Variants in RRN3 observed in about 807,000 individuals in gnomAD.
The protein encoded by RRN3 is RNA polymerase I transcription factor RRN3.
In RRN3, 38 loss-of-function variants were observed where a neutral mutation model predicts 82.3. The observed-to-expected ratio is 0.46, with a 90% CI of 0.36 to 0.61. The LOEUF is 0.61. RRN3 is among the 20% of genes least tolerant of loss of function. The pLI, the probability that RRN3 is intolerant of heterozygous loss-of-function variation, is 0.00. For missense variants in RRN3, 726 were observed against 793.1 expected (o/e 0.92, Z 1.02); for synonymous variants, 284 against 284.3 (o/e 1.00, Z 0.01).
chr16:15,077,825 G>A (rs1179020451), intron 9 of RRN3, among the ~76,000 whole-genome samples: 1 of 152,186 alleles, frequency 6.6e-6, no homozygotes, highest in African/African-American at 2.4e-5. Flanking sequence ...TGGGCAAGAA[G>A]CGAGACACCA....
intron 9 of RRN3, among the ~76,000 whole-genome samples, chr16:15,078,812 CTTT>C (rs5816111): frequency 1.6e-4 from 19 of 117,652 alleles, no homozygotes; most frequent in Admixed American, 1.8e-4. Flanking sequence ...GTATTTTTTT[CTTT>C]TTTTTTTTTT....
intron 9 of RRN3, among the ~76,000 whole-genome samples, chr16:15,078,783 T>C (rs1278615516): frequency 6.6e-6 from 1 of 151,018 alleles, no homozygotes; most frequent in East Asian, 1.9e-4. Flanking sequence ...GGAACTACTC[T>C]TCCAACTGCC....
At chr16:15,079,488 T>C (rs2045605756) in intron 9 of RRN3, among the ~76,000 whole-genome samples, 1 of 152,232 alleles carries the variant, frequency 6.6e-6, no homozygotes, top group South Asian at 2.1e-4. Context: ...TGGATAACTA[T>C]GTATTTAACG....
intron 12 of RRN3, among the ~76,000 whole-genome samples, chr16:15,072,662 G>A (rs900225591): frequency 1.8e-4 from 28 of 152,230 alleles, no homozygotes; most frequent in East Asian, 1.5e-3. Flanking sequence ...AATTAGCCAG[G>A]CATGGTAACC....
chr16:15,075,734 T>A (rs558658379), intron 10 of RRN3, among the ~76,000 whole-genome samples: 1 of 152,096 alleles, frequency 6.6e-6, no homozygotes, highest in Non-Finnish European at 1.5e-5. Flanking sequence ...ATGAGACCTA[T>A]CCATGCAAAA....
At chr16:15,067,317 C>T (rs961111826) in intron 15 of RRN3, among the ~76,000 whole-genome samples, 1 of 145,556 alleles carries the variant, frequency 6.9e-6, no homozygotes, top group African/African-American at 2.5e-5. Flanking sequence ...TGAAAGCTTA[C>T]AAAGGAGCCA....
rs2044689818 is a variant in RRN3, at chr16:15,060,993, T to G, written c.*751A>C. ...AGCCCGAACTCACTTTCAGTCTGTG[T>G]GAATTACATCTACCTGGACCTCCAT... On this transcript the variant is annotated 3_prime_UTR_variant, in exon 18 of 18. Transcript: ENST00000198767. The G allele has an allele frequency of 6.6e-6, 1 of 152,272 alleles. No individual in the cohort carries two copies. The highest frequency in any genetic ancestry group is 2.4e-5 in the African/African-American group (1 of 41,466). The allele number at this position is 152,272 out of a possible 1,614,324, so 9.4% of individuals were successfully genotyped here. A position where few individuals can be genotyped will look rare whatever the true frequency, so the allele number is the denominator to read the frequency against.
chr16:15,063,812 T>TG (rs1470468104), intron 16 of RRN3, among the ~76,000 whole-genome samples: 6 of 152,292 alleles, frequency 3.9e-5, no homozygotes, highest in Admixed American at 3.3e-4. Context: ...CTCATGTCGA[T>TG]GGAGTATTGA....
At chr16:15,080,466 GCT>G (rs905429434) in intron 8 of RRN3, among the ~76,000 whole-genome samples, 1 of 151,940 alleles carries the variant, frequency 6.6e-6, no homozygotes, top group East Asian at 1.9e-4. Flanking sequence ...ACAGGGTCTT[GCT>G]CTCTCTCTCA....
intron 7 of RRN3, 138 bp from the exon 8 acceptor site, chr16:15,083,720 T>A: frequency 7.9e-7 from 1 of 1,270,032 alleles, no homozygotes; most frequent in Admixed American, 2.8e-5. Flanking sequence ...GAACTGGAAC[T>A]TTTTTTGTTT....
At chr16:15,087,066 G>A (rs1198927930) in intron 3 of RRN3, among the ~76,000 whole-genome samples, 5 of 152,054 alleles carry the variant, frequency 3.3e-5, no homozygotes, top group Non-Finnish European at 7.4e-5. Context: ...AATTTGAAAC[G>A]CAATGTATAA....
intron 9 of RRN3, among the ~76,000 whole-genome samples, chr16:15,078,894 C>T (rs527760862): frequency 6.6e-6 from 1 of 150,688 alleles, no homozygotes; most frequent in South Asian, 2.1e-4. Context: ...TCACTGCAAG[C>T]TCCACCTCCC....
rs140196420 is a variant in RRN3, at chr16:15,085,014, C to T, written c.533-309G>A. 2.0e-3 allele frequency among the ~76,000 whole-genome samples: 300 copies of T among 151,802 alleles called. 2 individuals carry two copies. Among genetic ancestry groups the T allele is most frequent in the Middle Eastern group, 0.01 (3 of 294 alleles). ...CTGGGAGGTGAAGGCTGCAGCGAAC[C>T]GAGATCACACCACTATACTCCAGCC... On this transcript the variant is annotated intron_variant, in intron 6 of 17. Coordinates refer to ENST00000198767, the MANE Select transcript of RRN3 (RefSeq NM_018427.5).
chr16:15,073,251 G>A (rs566827193), intron 11 of RRN3, among the ~76,000 whole-genome samples, 171 bp from the exon 12 acceptor site: 54 of 152,276 alleles, frequency 3.5e-4, no homozygotes, highest in Middle Eastern at 3.4e-3. Flanking sequence ...GGGAGCCCGG[G>A]AGTTCAAGGG....
intron 15 of RRN3, among the ~76,000 whole-genome samples, chr16:15,066,990 G>A (rs971545767): frequency 2.0e-5 from 3 of 150,550 alleles, no homozygotes; most frequent in Admixed American, 2.0e-4. Context: ...CAGGGGCAGC[G>A]GCCTCTGCTT....
intron 16 of RRN3, among the ~76,000 whole-genome samples, chr16:15,063,642 T>C (rs1468663228): frequency 6.8e-6 from 1 of 148,046 alleles, no homozygotes; most frequent in East Asian, 2.0e-4. Context: ...GAGACGGAGC[T>C]TGCAGCGAGC....
chr16:15,085,803 T>G (rs2045895399), intron 5 of RRN3, 105 bp from the exon 6 acceptor site: 5 of 1,486,358 alleles, frequency 3.4e-6, no homozygotes, highest in Non-Finnish European at 4.5e-6. Flanking sequence ...ATAAAAAAAG[T>G]TATTTTTCCA....
At chr16:15,085,039 C>T (rs932365747) in intron 6 of RRN3, among the ~76,000 whole-genome samples, 4 of 152,064 alleles carry the variant, frequency 2.6e-5, no homozygotes, top group African/African-American at 9.7e-5. Context: ...ATACTCCAGC[C>T]TGGGCAACAG....
intron 10 of RRN3, among the ~76,000 whole-genome samples, chr16:15,075,222 G>A (rs1289506573): frequency 6.6e-6 from 1 of 150,420 alleles, no homozygotes; most frequent in Non-Finnish European, 1.5e-5. Context: ...CTCCAGCCTG[G>A]GCAACAGAGG....
Sources: gnomAD v4.1 joint callset for allele counts (sites outside exome capture counted in the v4.1 genomes callset) on GRCh38, gnomAD v4.1.1 for gene constraint, MANE v1.5 for transcripts, NCBI Gene and HGNC (gene_info 2026-07-23, HGNC 2026-07-21) for gene names.